The following LYPLAL1 variants were observed in gnomAD, a reference collection of about 807,000 sequenced individuals.
LYPLAL1 encodes the protein lysophospholipase-like protein 1.
Under a neutral mutation model 19.7 loss-of-function variants are expected in LYPLAL1, and 23 were observed. That is an observed-to-expected ratio of 1.17 (90% CI 0.84 to 1.65). The LOEUF is 1.65. Among genes scored for constraint, LYPLAL1 ranks in the 40% most tolerant of loss-of-function variants. LYPLAL1 has a pLI of 0.00. For synonymous variants in LYPLAL1, 119 were observed against 96.3 expected, an observed-to-expected ratio of 1.24 and a Z score of -1.38; for missense variants, 355 against 279.4, an observed-to-expected ratio of 1.27 and a Z score of -1.93.
chr1:219,284,200 C>G, the LYPLAL1 span, among the ~76,000 whole-genome samples: 4 of 152,200 alleles, frequency 2.6e-5, no homozygotes, highest in Non-Finnish European at 5.9e-5. Context: ...CCATGCAGAA[C>G]TGTGAGTCAA....
the LYPLAL1 span, chr1:219,225,351 C>A: frequency 6.6e-6 from 1 of 152,010 alleles, no homozygotes; most frequent in African/African-American, 2.4e-5. Flanking sequence ...TATAAAGAGC[C>A]CAGGACAGAA....
chr1:219,249,806 T>C, the LYPLAL1 span, among the ~76,000 whole-genome samples: 1 of 152,026 alleles, frequency 6.6e-6, no homozygotes. Context: ...TGAACACTTA[T>C]TTGCGTGTTG....
intron 2 of LYPLAL1, among the ~76,000 whole-genome samples, 160 bp from the exon 3 acceptor site, chr1:219,192,922 A>G (rs1200166052): frequency 1.3e-5 from 2 of 151,894 alleles, no homozygotes; most frequent in South Asian, 2.1e-4. Flanking sequence ...GATAGTTAAT[A>G]CAATATACAT....
the LYPLAL1 span, among the ~76,000 whole-genome samples, chr1:219,387,323 C>T: frequency 3.9e-5 from 6 of 152,084 alleles, no homozygotes; most frequent in African/African-American, 1.4e-4. Flanking sequence ...TGTACATGTC[C>T]TTTAACTGAG....
the LYPLAL1 span, among the ~76,000 whole-genome samples, chr1:219,419,592 CACAG>C: frequency 1.6e-5 from 1 of 62,684 alleles, no homozygotes; most frequent in African/African-American, 4.7e-5. Context: ...CACACACACA[CACAG>C]AGAGAGAGAG....
the LYPLAL1 span, among the ~76,000 whole-genome samples, chr1:219,433,768 T>C: frequency 6.6e-6 from 1 of 152,254 alleles, no homozygotes; most frequent in Non-Finnish European, 1.5e-5. Flanking sequence ...CCAGCCCTTC[T>C]ATTTTGTAAG....
the LYPLAL1 span, among the ~76,000 whole-genome samples, chr1:219,279,034 G>A: frequency 7.9e-5 from 12 of 152,270 alleles, no homozygotes; most frequent in Middle Eastern, 3.4e-3. Context: ...GTACAGCCTT[G>A]TAGGGGGATT....
the LYPLAL1 span, among the ~76,000 whole-genome samples, chr1:219,393,507 C>G: frequency 6.6e-6 from 1 of 152,080 alleles, no homozygotes; most frequent in Non-Finnish European, 1.5e-5. Flanking sequence ...TACCTGTGTC[C>G]AGTATTCCAA....
the LYPLAL1 span, among the ~76,000 whole-genome samples, chr1:219,374,867 C>A: frequency 1.3e-5 from 2 of 152,188 alleles, no homozygotes; most frequent in Non-Finnish European, 2.9e-5. Context: ...TCCAACCAGT[C>A]AACAATCTCC....
At chr1:219,214,219 A>G (rs1659203698), downstream of LYPLAL1, among the ~76,000 whole-genome samples, 1 of 152,150 alleles carries the variant, frequency 6.6e-6, no homozygotes, top group Non-Finnish European at 1.5e-5. Flanking sequence ...CATTCCTGAA[A>G]TAAACTCCCT....
rs72511830 is a variant in LYPLAL1 at position 219,193,061 on chromosome 1, G to GC, written c.192-21_192-20insC. On this transcript the variant is annotated intron_variant, in intron 2 of 4. Coordinates refer to ENST00000366928, the MANE Select transcript of LYPLAL1 (RefSeq NM_138794.5). ...TCCCTTTTCCTTTCTTTTTTTTTGG[G>GC]GGGGGGCGGTTGTTAAACAGATCAT... 4,609 of 1,510,740 alleles carry GC rather than the reference G, an allele frequency of 3.1e-3. 77 individuals carry two copies. The highest frequency in any genetic ancestry group is 0.024 in the South Asian group (1,856 of 77,372). 93.6% of individuals were successfully genotyped at this position (1,510,740 alleles called of 1,614,324 possible). A position where few individuals can be genotyped will look rare whatever the true frequency, so the allele number is the denominator to read the frequency against.
At chr1:219,342,354 A>T in the LYPLAL1 span, among the ~76,000 whole-genome samples, 1 of 152,142 alleles carries the variant, frequency 6.6e-6, no homozygotes, top group African/African-American at 2.4e-5. Flanking sequence ...GTGATTATTT[A>T]AAATGATTTG....
chr1:219,199,494 G>A (rs2125084918), intron 3 of LYPLAL1, among the ~76,000 whole-genome samples: 1 of 151,894 alleles, frequency 6.6e-6, no homozygotes. Context: ...CCAAGCTGGA[G>A]TGCAGTGGCA....
At chr1:219,257,074 G>A in the LYPLAL1 span, among the ~76,000 whole-genome samples, 1 of 151,848 alleles carries the variant, frequency 6.6e-6, no homozygotes, top group Admixed American at 6.6e-5. Context: ...TTTCTTAATT[G>A]TCTTTTTCAG....
chr1:219,231,993 AC>A, the LYPLAL1 span, among the ~76,000 whole-genome samples: 1 of 152,182 alleles, frequency 6.6e-6, no homozygotes, highest in Non-Finnish European at 1.5e-5. Flanking sequence ...ATGTCTTGAG[AC>A]TATTGTCCCT....
At chr1:219,392,116 C>T in the LYPLAL1 span, among the ~76,000 whole-genome samples, 1 of 152,174 alleles carries the variant, frequency 6.6e-6, no homozygotes, top group African/African-American at 2.4e-5. Flanking sequence ...TTGGGGTCAT[C>T]TGTCTTCCTC....
At chr1:219,414,864 C>T in the LYPLAL1 span, among the ~76,000 whole-genome samples, 1 of 152,096 alleles carries the variant, frequency 6.6e-6, no homozygotes, top group South Asian at 2.1e-4. Flanking sequence ...CTATGGTAGG[C>T]AAGGGTCCTA....
the LYPLAL1 span, among the ~76,000 whole-genome samples, chr1:219,341,049 T>C: frequency 6.6e-6 from 1 of 152,104 alleles, no homozygotes; most frequent in African/African-American, 2.4e-5. Context: ...ACATTCCATG[T>C]GCATGTATCT....
the LYPLAL1 span, among the ~76,000 whole-genome samples, chr1:219,315,417 A>C: frequency 6.6e-6 from 1 of 152,048 alleles, no homozygotes; most frequent in South Asian, 2.1e-4. Flanking sequence ...AAAACTCCTC[A>C]TAAAAAGCTC....
Sources: allele counts gnomAD v4.1 joint callset (sites outside exome capture counted in the v4.1 genomes callset), GRCh38; gene constraint gnomAD v4.1.1; transcripts MANE v1.5; gene names NCBI Gene and HGNC (gene_info 2026-07-23, HGNC 2026-07-21).